Variants in CYP1A2 observed in about 807,000 individuals in gnomAD.
CYP1A2 encodes cytochrome P450 family 1 subfamily A member 2.
A neutral mutation model predicts 34.7 loss-of-function variants in CYP1A2; 35 were observed. That is an observed-to-expected ratio of 1.01 (90% CI 0.77 to 1.34). The LOEUF (loss-of-function observed/expected upper bound fraction) is 1.34. CYP1A2 is among the 40% of genes most tolerant of loss of function. The pLI, the probability that CYP1A2 is intolerant of heterozygous loss-of-function variation, is 0.00. For synonymous variants in CYP1A2, 288 were observed against 281.9 expected (o/e 1.02, Z -0.22); for missense variants, 675 against 675.8 (o/e 1.00, Z 0.01).
chr15:74,750,240 G>C lies in CYP1A2; in HGVS notation c.502G>C (p.Glu168Gln), dbSNP rs72547512. 5 of 1,614,210 alleles carry C rather than the reference G, an allele frequency of 3.1e-6. No homozygotes were observed. In the East Asian group the frequency reaches 1.1e-4, roughly 36 times the overall value. ...CTACCTGGAGGAGCATGTGAGCAAG[G>C]AGGCTAAGGCCCTGATCAGCAGGTT... ...SCYLEEHVSK[E>Q]AKALISRLQE... Residue 168 changes from glutamate (E) to glutamine (Q), a missense_variant, in exon 2 of 7, where the codon GAG becomes CAG. Glu to Gln is a conservative substitution (Grantham distance 29). Transcript: ENST00000343932.
At chr15:74,752,293 T>C (rs767492877) in intron 5 of CYP1A2, 46 bp downstream of exon 5, 2 of 1,606,958 alleles carry the variant, frequency 1.2e-6, no homozygotes, top group East Asian at 4.5e-5. Flanking sequence ...GTGCTTGCCA[T>C]GTTTTCTCTT....
chr15:74,749,138 G>A (rs2063302207), intron 1 of CYP1A2, among the ~76,000 whole-genome samples: 1 of 152,220 alleles, frequency 6.6e-6, no homozygotes, highest in African/African-American at 2.4e-5. Context: ...GGCCCTGGCT[G>A]AAGCCCAACC....
At chr15:74,751,740 C>G in intron 3 of CYP1A2, 25 bp from the exon 4 acceptor site, 2 of 1,601,398 alleles carry the variant, frequency 1.2e-6, no homozygotes, top group Non-Finnish European at 1.7e-6. Flanking sequence ...TTCCTTCTTT[C>G]CTCACCTTAC....
Position 74,752,870 on chromosome 15 carries a change from C to CTTTT in CYP1A2, c.1167-293_1167-290dup, listed in dbSNP as rs4646426. ...CGGGGCTGCCCCAGGCTGCCTGCTG[C>CTTTT]TTTTTTTTTTTTTTTTTTTTTTTTC... On this transcript the variant is annotated intron_variant, in intron 5 of 6. Coordinates refer to ENST00000343932, the MANE Select transcript of CYP1A2 (RefSeq NM_000761.5). Among the ~76,000 whole-genome samples the CTTTT allele has an allele frequency of 1.1e-3, 101 of 96,154 alleles. 4 individuals are homozygous for CTTTT. Among genetic ancestry groups the CTTTT allele is most frequent in the African/African-American group, 1.4e-3 (33 of 24,436 alleles). 63.1% of individuals were successfully genotyped at this position (96,154 alleles called of 152,430 possible).
chr15:74,753,011 C>G (rs769307569), intron 5 of CYP1A2, among the ~76,000 whole-genome samples, 173 bp from the exon 6 acceptor site: 5 of 150,216 alleles, frequency 3.3e-5, no homozygotes, highest in African/African-American at 4.9e-5. Context: ...AGTTAAAGAA[C>G]AGGACGCAAG....
At position 74,751,090 on chromosome 15, in the gene CYP1A2, G is replaced by A. The variant is rs34264399; in HGVS notation, c.832-99G>A. On this transcript the variant is annotated intron_variant, in intron 2 of 6. Transcript: ENST00000343932. ...CTAGAGACCAAGTTGGGAGGATAGG[G>A]GGGTACCCAGCCACCAGGTACAGGC... is the stretch of plus-strand genomic sequence containing the variant. 9,965 of 1,515,030 alleles carry A rather than the reference G, an allele frequency of 6.6e-3. 60 individuals carry two copies. Among genetic ancestry groups the A allele is most frequent in the South Asian group, 0.021 (1,680 of 78,340 alleles). The allele number at this position is 1,515,030 out of a possible 1,614,324, so 93.8% of individuals were successfully genotyped here.
intron 4 of CYP1A2, 121 bp downstream of exon 4, chr15:74,751,975 G>A: frequency 6.6e-7 from 1 of 1,505,836 alleles, no homozygotes; most frequent in Non-Finnish European, 9.1e-7. Context: ...AGTAGTGCCT[G>A]CCCTTGCCTA....
In CYP1A2 at chr15:74,751,217, T is replaced by C. The variant is rs775392030; in HGVS notation, c.860T>C (p.Leu287Pro). 1 of 1,614,074 alleles carries C rather than the reference T, an allele frequency of 6.2e-7. No individual in the cohort carries two copies. The highest frequency in any genetic ancestry group is 8.5e-7 in the Non-Finnish European group (1 of 1,179,990). ...KNSVRDITGA[L>P]FKHSKKGPRA... ...AGTGTCCGGGACATCACGGGTGCCC[T>C]GTTCAAGCACAGCAAGAAGGGGCCT... The change falls in exon 3 of 7, where the codon CTG becomes CCG. Residue 287 changes from leucine (L) to proline (P), a missense_variant. Physicochemically the swap from Leu to Pro is moderately conservative, Grantham distance 98 (BLOSUM62 -3). Coordinates refer to ENST00000343932, the MANE Select transcript of CYP1A2 (RefSeq NM_000761.5).
intron 6 of CYP1A2, 150 bp from the exon 7 acceptor site, chr15:74,754,641 C>T (rs2063329850): frequency 4.4e-6 from 3 of 685,596 alleles, no homozygotes; most frequent in Non-Finnish European, 2.5e-6. Context: ...AAATAAGCAT[C>T]AAAGTTCAGT....
In CYP1A2 at chr15:74,752,183, T is replaced by G. The variant is rs1447014399; in HGVS notation, c.1102T>G (p.Leu368Val). ...CTCTGACAGACCCCAGCTGCCCTAC[T>G]TGGAGGCCTTCATCCTGGAGACCTT... The part of the protein sequence containing the change: ...RLSDRPQLPY[L>V]EAFILETFRH... The change falls in exon 5 of 7, where the codon TTG becomes GTG. Residue 368 changes from leucine to valine, a missense_variant. Coordinates refer to ENST00000343932, the MANE Select transcript of CYP1A2 (RefSeq NM_000761.5). The G allele has an allele frequency of 1.2e-6, 2 of 1,613,970 alleles. No homozygotes were observed. The highest frequency in any genetic ancestry group is 2.7e-5 in the African/African-American group (2 of 74,890).
chr15:74,750,540 G>A lies in CYP1A2; in HGVS notation c.802G>A (p.Val268Ile). 1 of 1,614,052 alleles carries A rather than the reference G, an allele frequency of 6.2e-7. No individual in the cohort carries two copies. The highest frequency in any genetic ancestry group is 8.5e-7 in the Non-Finnish European group (1 of 1,179,976). Residue 268 changes from valine to isoleucine, a missense_variant, in exon 2 of 7, where the codon GTC (valine) becomes ATC (isoleucine). By Grantham distance (29) the Val-to-Ile change is conservative. Transcript: ENST00000343932. ...GTTCCTGTGGTTCCTGCAGAAAACA[G>A]TCCAGGAGCACTATCAGGACTTTGA... The part of the protein sequence containing the change: ...QRFLWFLQKT[V>I]QEHYQDFDKN...
Position 74,750,549 on chromosome 15 carries a change from C to T in CYP1A2, c.811C>T (p.His271Tyr). The change falls in exon 2 of 7, where the codon CAC becomes TAC. Residue 271 changes from histidine (H) to tyrosine (Y), a missense_variant. His to Tyr is a moderately conservative substitution (Grantham distance 83). Transcript: ENST00000343932. ...GTTCCTGCAGAAAACAGTCCAGGAGCACTATCAGGACTTTGACAAGGTGAG... is the reference window on the plus strand; with the variant it reads ...GTTCCTGCAGAAAACAGTCCAGGAGTACTATCAGGACTTTGACAAGGTGAG... Reference protein sequence around the residue: ...LWFLQKTVQEHYQDFDKNSVR... With the variant: ...LWFLQKTVQEYYQDFDKNSVR... 6.2e-7 allele frequency: 1 copy of T among 1,613,892 alleles called. No individual in the cohort carries two copies.
At position 74,750,445 on chromosome 15, in the gene CYP1A2, TG is replaced by T. The variant is rs1567205355; in HGVS notation, c.709del (p.Asp237ThrfsTer98). On this transcript the variant is annotated frameshift_variant, in exon 2 of 7. Coordinates refer to ENST00000343932, the MANE Select transcript of CYP1A2 (RefSeq NM_000761.5). LOFTEE classifies it high-confidence loss of function. ...FVETASSGNPLDFFPILRYLP... is the reference protein window; with the variant it reads ...FVETASSGNPXDFFPILRYLP... ...GAGACTGCCTCCTCCGGGAACCCCC[TG>T]GACTTCTTCCCCATCCTTCGCTACC... 3 of 1,614,060 alleles carry T rather than the reference TG, an allele frequency of 1.9e-6. No individual in the cohort carries two copies. The highest frequency in any genetic ancestry group is 1.7e-6 in the Non-Finnish European group (2 of 1,180,032).
chr15:74,749,613 AT>A (rs1875711135), intron 1 of CYP1A2, 116 bp from the exon 2 acceptor site: 2 of 814,220 alleles, frequency 2.5e-6, no homozygotes, highest in Non-Finnish European at 3.8e-6. Flanking sequence ...TCTTTCTGGT[AT>A]CCAGCTGGGA....
intron 2 of CYP1A2, 132 bp from the exon 3 acceptor site, chr15:74,751,057 C>T (rs989392191): frequency 1.6e-6 from 2 of 1,266,156 alleles, no homozygotes; most frequent in Non-Finnish European, 2.2e-6. Context: ...CAAGCTGCAA[C>T]CCCCTGCCTA....
At chr15:74,752,470 C>T (rs2063320722) in intron 5 of CYP1A2, among the ~76,000 whole-genome samples, 1 of 152,060 alleles carries the variant, frequency 6.6e-6, no homozygotes, top group South Asian at 2.1e-4. Context: ...TGTTCATATT[C>T]CCTCCCTCCC....
chr15:74,750,020 C>G lies in CYP1A2; in HGVS notation c.282C>G (p.Ile94Met). 2 of 1,614,098 alleles carry G rather than the reference C, an allele frequency of 1.2e-6. No individual in the cohort carries two copies. The highest frequency in any genetic ancestry group is 1.7e-6 in the Non-Finnish European group (2 of 1,180,026). The change falls in exon 2 of 7, where the codon ATC (isoleucine) becomes ATG (methionine). Residue 94 changes from isoleucine to methionine, a missense_variant. Coordinates refer to ENST00000343932, the MANE Select transcript of CYP1A2 (RefSeq NM_000761.5). Reference sequence around the variant, plus strand: ...TGGTGCTGAGCCGCCTGGACACCATCCGGCAGGCCCTGGTGCGGCAGGGCG... The same window carrying G: ...TGGTGCTGAGCCGCCTGGACACCATGCGGCAGGCCCTGGTGCGGCAGGGCG... ...PVLVLSRLDT[I>M]RQALVRQGDD...
Position 74,754,945 on chromosome 15 carries a change from C to A in CYP1A2, c.1408C>A (p.Leu470Ile). Residue 470 changes from leucine to isoleucine, a missense_variant, in exon 7 of 7, where the codon CTC becomes ATC. Physicochemically the swap from Leu to Ile is conservative, Grantham distance 5. Coordinates refer to ENST00000343932, the MANE Select transcript of CYP1A2 (RefSeq NM_000761.5). ...AGTCCTGGCCAAGTGGGAGATCTTCCTCTTCCTGGCCATCCTGCTACAGCA... is the reference window on the plus strand; with the variant it reads ...AGTCCTGGCCAAGTGGGAGATCTTCATCTTCCTGGCCATCCTGCTACAGCA... Reference protein sequence around the residue: ...GEVLAKWEIFLFLAILLQQLE... With the variant: ...GEVLAKWEIFIFLAILLQQLE... 3 of 1,614,252 alleles carry A rather than the reference C, an allele frequency of 1.9e-6. No homozygotes were observed. The highest frequency in any genetic ancestry group is 2.5e-6 in the Non-Finnish European group (3 of 1,180,048).
chr15:74,749,542 A>C (rs977048624), intron 1 of CYP1A2, among the ~76,000 whole-genome samples, 188 bp from the exon 2 acceptor site: 5 of 152,122 alleles, frequency 3.3e-5, no homozygotes, highest in Non-Finnish European at 5.9e-5. Context: ...CAGCTCTCAG[A>C]TTCTGTGATG....
Sources: allele counts gnomAD v4.1 joint callset (sites outside exome capture counted in the v4.1 genomes callset), GRCh38; gene constraint gnomAD v4.1.1; transcripts MANE v1.5; gene names NCBI Gene and HGNC (gene_info 2026-07-23, HGNC 2026-07-21).